Variants in ANKIB1 observed in about 807,000 individuals in gnomAD.
The protein encoded by ANKIB1 is ankyrin repeat and IBR domain-containing protein 1.
ANKIB1 carries 43 observed loss-of-function variants against 122.1 expected under a neutral mutation model. The ratio of observed to expected loss-of-function variants is 0.35; its 90% CI spans 0.28 to 0.45. The LOEUF (loss-of-function observed/expected upper bound fraction) is 0.45. Ranked by LOEUF, ANKIB1 falls within the 20% of genes least tolerant of loss-of-function variation. ANKIB1 has a pLI of 1.00. For synonymous variants in ANKIB1, 390 were observed against 442.0 expected, an observed-to-expected ratio of 0.88 and a Z score of 1.48; for missense variants, 992 against 1,329.5, an observed-to-expected ratio of 0.75 and a Z score of 3.95.
At chr7:92,294,417 G>A (rs1802311577) in intron 1 of ANKIB1, 1 of 152,744 alleles carries the variant, frequency 6.5e-6, no homozygotes, top group African/African-American at 2.4e-5. Context: ...ATAAAGTACT[G>A]AGCAGTTTCA....
At chr7:92,379,579 G>GT (rs1227168730) in intron 11 of ANKIB1, among the ~76,000 whole-genome samples, 2 of 152,064 alleles carry the variant, frequency 1.3e-5, no homozygotes, top group Non-Finnish European at 2.9e-5. Flanking sequence ...ACAAAGATAC[G>GT]TGGGAATCTA....
At chr7:92,346,632 C>T (rs557184519) in intron 7 of ANKIB1, among the ~76,000 whole-genome samples, 13 of 152,302 alleles carry the variant, frequency 8.5e-5, no homozygotes, top group East Asian at 5.8e-4. Flanking sequence ...CTATCCTTAA[C>T]GCAGTTGTGG....
At position 92,398,753 on chromosome 7, in the gene ANKIB1, A is replaced by G; in HGVS notation, c.3074A>G (p.Glu1025Gly). The change falls in exon 20 of 20, where the codon GAA (glutamate) becomes GGA (glycine). Residue 1025 changes from glutamate to glycine, a missense_variant. By Grantham distance (98) the Glu-to-Gly change is moderately conservative (BLOSUM62 -2). Transcript: ENST00000265742. ...GTGCTGCCAGAAGATTCAATGTTTG[A>G]AGATGCCAGTGTCAGTGAAGGTAGA... The part of the protein sequence containing the change: ...ELVLPEDSMF[E>G]DASVSEGRGT... The G allele has an allele frequency of 6.2e-7, 1 of 1,613,520 alleles. No individual in the cohort carries two copies. Among genetic ancestry groups the G allele is most frequent in the Non-Finnish European group, 8.5e-7 (1 of 1,179,688 alleles).
Position 92,390,715 on chromosome 7 carries a change from C to G in ANKIB1, c.2053-451C>G, listed in dbSNP as rs573879911. On this transcript the variant is annotated intron_variant, in intron 15 of 19. Coordinates refer to ENST00000265742, the MANE Select transcript of ANKIB1 (RefSeq NM_019004.2). ...TCAGTATTCATTTTCTCCGTAAAGC[C>G]TTCCACACTTGACCCCAATCACTGT... Among the ~76,000 whole-genome samples the G allele has an allele frequency of 7.2e-5, 11 of 152,326 alleles. No homozygotes were observed. The South Asian group carries it at 2.3e-3, about 32-fold the overall frequency.
rs397889266 is a variant in ANKIB1 at position 92,270,728 on chromosome 7, G to GTTTT, written c.-90-24140_-90-24137dup. ...CACTGGTCTGTCTTCCATCGCTATA[G>GTTTT]TTTTTTTTTTTTTTTTTTTTTTTTG... On this transcript the variant is annotated intron_variant, in intron 1 of 19. Transcript: ENST00000265742. 7.4e-4 allele frequency among the ~76,000 whole-genome samples: 61 copies of GTTTT among 81,996 alleles called. 1 individual carries two copies. Among genetic ancestry groups the GTTTT allele is most frequent in the East Asian group, 1.1e-3 (3 of 2,718 alleles). The allele number at this position is 81,996 out of a possible 152,430, so 53.8% of individuals were successfully genotyped here.
At chr7:92,384,464 C>T (rs1209105955) in intron 11 of ANKIB1, among the ~76,000 whole-genome samples, 2 of 152,200 alleles carry the variant, frequency 1.3e-5, no homozygotes, top group Non-Finnish European at 2.9e-5. Flanking sequence ...CTTGAGGCAT[C>T]ACACTACCTG....
chr7:92,273,304 C>T (rs1187217719), intron 1 of ANKIB1, among the ~76,000 whole-genome samples: 1 of 151,870 alleles, frequency 6.6e-6, no homozygotes, highest in Non-Finnish European at 1.5e-5. Flanking sequence ...TAGGATGGAT[C>T]AAGGACTGGT....
intron 1 of ANKIB1, among the ~76,000 whole-genome samples, 193 bp from the exon 2 acceptor site, chr7:92,294,690 AAAGTTT>A (rs1201092630): frequency 6.6e-6 from 1 of 152,178 alleles, no homozygotes; most frequent in Non-Finnish European, 1.5e-5. Context: ...GGAAAGTGTT[AAAGTTT>A]AACAATAAGT....
In ANKIB1 at chr7:92,352,632, C is replaced by T. The variant is rs758664007; in HGVS notation, c.1387C>T (p.Leu463Phe). Reference protein sequence around the residue: ...APAVDCGKGHLFCWECLGEAH... With the variant: ...APAVDCGKGHFFCWECLGEAH... ...TGCTGTTGATTGTGGAAAAGGACAC[C>T]TCTTCTGCTGGTTAGTATAAGACAA... The change falls in exon 9 of 20, where the codon CTC becomes TTC. Residue 463 changes from leucine to phenylalanine, a missense_variant. By Grantham distance (22) the Leu-to-Phe change is conservative. Coordinates refer to ENST00000265742, the MANE Select transcript of ANKIB1 (RefSeq NM_019004.2). The T allele has an allele frequency of 1.2e-6, 2 of 1,609,494 alleles. No individual in the cohort carries two copies. Among genetic ancestry groups the T allele is most frequent in the Admixed American group, 1.7e-5 (1 of 58,342 alleles).
intron 11 of ANKIB1, among the ~76,000 whole-genome samples, chr7:92,379,668 T>A (rs1309393691): frequency 6.6e-6 from 1 of 152,158 alleles, no homozygotes; most frequent in African/African-American, 2.4e-5. Context: ...TGGGCAGTTG[T>A]GTGAGAAAGA....
chr7:92,391,112 C>A, intron 15 of ANKIB1, 54 bp from the exon 16 acceptor site: 1 of 1,432,912 alleles, frequency 7.0e-7, no homozygotes, highest in Non-Finnish European at 9.3e-7. Context: ...CCTGGATTTG[C>A]TATTGATTAA....
chr7:92,257,150 C>G (rs1801464137), intron 1 of ANKIB1, among the ~76,000 whole-genome samples: 1 of 150,522 alleles, frequency 6.6e-6, no homozygotes, highest in African/African-American at 2.5e-5. Flanking sequence ...AGTAGATCGC[C>G]CAACTGCACT....
intron 7 of ANKIB1, chr7:92,348,065 A>G: frequency 2.5e-6 from 1 of 397,228 alleles, no homozygotes; most frequent in African/African-American, 2.1e-5. Context: ...TATCAACTCC[A>G]TGTTCTGCTC....
In ANKIB1 at chr7:92,396,560, C is replaced by T. The variant is rs759635947; in HGVS notation, c.2395+84C>T. 69 of 695,114 alleles carry T rather than the reference C, an allele frequency of 9.9e-5. No homozygotes were observed. The Middle Eastern group carries it at 3.7e-3, about 37-fold the overall frequency. The allele number at this position is 695,114 out of a possible 1,614,324, so 43.1% of individuals were successfully genotyped here. On this transcript the variant is annotated intron_variant, in intron 18 of 19. Transcript: ENST00000265742. Reference sequence around the variant, plus strand: ...ACTGGCTGATGTAAATTTTTGTGAACGAGTTTGTCATTTAGATATACAATA... The same window carrying T: ...ACTGGCTGATGTAAATTTTTGTGAATGAGTTTGTCATTTAGATATACAATA...
At chr7:92,264,113 ATTC>A (rs898168617) in intron 1 of ANKIB1, among the ~76,000 whole-genome samples, 1 of 149,652 alleles carries the variant, frequency 6.7e-6, no homozygotes, top group African/African-American at 2.4e-5. Context: ...CACCTAGAGT[ATTC>A]TTCATTTTTA....
At chr7:92,381,514 G>GGC (rs1444134699) in intron 11 of ANKIB1, among the ~76,000 whole-genome samples, 3 of 152,156 alleles carry the variant, frequency 2.0e-5, no homozygotes, top group Admixed American at 6.5e-5. Context: ...ACCCACAAAG[G>GGC]AAAGCCCATC....
intron 1 of ANKIB1, among the ~76,000 whole-genome samples, chr7:92,272,176 G>C (rs1048474013): frequency 2.0e-5 from 3 of 152,050 alleles, no homozygotes; most frequent in Non-Finnish European, 4.4e-5. Flanking sequence ...GGTAAATTTT[G>C]TGTTATGTAT....
intron 4 of ANKIB1, among the ~76,000 whole-genome samples, chr7:92,322,696 A>G (rs1258934587): frequency 2.6e-5 from 4 of 152,182 alleles, no homozygotes; most frequent in African/African-American, 7.2e-5. Flanking sequence ...CTCCTAAGTC[A>G]GAACATACAA....
At chr7:92,252,289 C>T (rs1801343973) in intron 1 of ANKIB1, among the ~76,000 whole-genome samples, 1 of 152,082 alleles carries the variant, frequency 6.6e-6, no homozygotes, top group African/African-American at 2.4e-5. Flanking sequence ...ATTGATGACT[C>T]CCACCTGAAT....
Sources: allele counts gnomAD v4.1 joint callset (sites outside exome capture counted in the v4.1 genomes callset), GRCh38; gene constraint gnomAD v4.1.1; transcripts MANE v1.5; gene names NCBI Gene and HGNC (gene_info 2026-07-23, HGNC 2026-07-21).